The following PDE8B variants were observed in gnomAD, a reference collection of about 807,000 sequenced individuals.
PDE8B encodes high affinity cAMP-specific and IBMX-insensitive 3',5'-cyclic phosphodiesterase 8B.
PDE8B carries 26 observed loss-of-function variants against 101.3 expected under a neutral mutation model. The observed-to-expected ratio is 0.26, with a 90% CI of 0.19 to 0.36. The LOEUF is 0.36. Among genes scored for constraint, PDE8B ranks in the 10% least tolerant of loss-of-function variants. PDE8B has a pLI of 1.00. For synonymous variants in PDE8B, 424 were observed against 429.3 expected (o/e 0.99, Z 0.15); for missense variants, 810 against 1,163.1 (o/e 0.70, Z 4.42).
intron 1 of PDE8B, among the ~76,000 whole-genome samples, chr5:77,286,988 G>A (rs980891438): frequency 5.9e-5 from 9 of 152,098 alleles, no homozygotes; most frequent in African/African-American, 2.2e-4. Context: ...CCATGCTCCT[G>A]TTGTCGTGCA....
chr5:77,398,220 G>A lies in PDE8B; in HGVS notation c.1168-2028G>A, dbSNP rs186308517. Among the ~76,000 whole-genome samples, 18 of 150,454 alleles carry A rather than the reference G, an allele frequency of 1.2e-4. 1 individual carries two copies. Among genetic ancestry groups the A allele is most frequent in the Admixed American group, 1.1e-3 (16 of 15,138 alleles). On this transcript the variant is annotated intron_variant, in intron 10 of 21. Coordinates refer to ENST00000264917, the MANE Select transcript of PDE8B (RefSeq NM_003719.5). ...CTTAATACATATGTAAACATATACAGCCCAAATTTCAGTTTTAACTAAGTT... is the reference window on the plus strand; with the variant it reads ...CTTAATACATATGTAAACATATACAACCCAAATTTCAGTTTTAACTAAGTT...
upstream of PDE8B, among the ~76,000 whole-genome samples, chr5:77,206,881 T>A (rs2149356134): frequency 6.6e-6 from 1 of 152,304 alleles, no homozygotes. Context: ...AAATATAAAA[T>A]AATTTAATAA....
At chr5:77,183,189 G>A in the PDE8B span, among the ~76,000 whole-genome samples, 20 of 151,546 alleles carry the variant, frequency 1.3e-4, no homozygotes, top group Middle Eastern at 6.8e-3. Flanking sequence ...GTTTGATCTC[G>A]GCTCACTGCA....
At chr5:77,331,293 C>A in intron 4 of PDE8B, 109 bp from the exon 5 acceptor site, 1 of 967,174 alleles carries the variant, frequency 1.0e-6, no homozygotes. Flanking sequence ...CGTCAGGAAG[C>A]CACTCTTGGA....
At chr5:77,234,006 G>C (rs2149501470) in intron 1 of PDE8B, among the ~76,000 whole-genome samples, 1 of 152,146 alleles carries the variant, frequency 6.6e-6, no homozygotes, top group Non-Finnish European at 1.5e-5. Flanking sequence ...ATAAAAGAAG[G>C]CGCCTAGAGG....
rs1228271750 is a variant in PDE8B, at chr5:77,325,603, C to G, written c.464C>G (p.Ala155Gly). 1.2e-6 allele frequency: 2 copies of G among 1,613,734 alleles called. No individual in the cohort carries two copies. Among genetic ancestry groups the G allele is most frequent in the Non-Finnish European group, 1.7e-6 (2 of 1,179,742 alleles). The change falls in exon 3 of 22, where the codon GCT (alanine) becomes GGT (glycine). Residue 155 changes from alanine (A) to glycine (G), a missense_variant. This residue lies in a region of PDE8B where 251 missense variants were observed against 378.8 expected (regional missense o/e 0.66). Coordinates refer to ENST00000264917, the MANE Select transcript of PDE8B (RefSeq NM_003719.5). ...GGCTTCTGGTGGGCCTGCGACAGAG[C>G]TGGTTATAGATGCAATATTGCTCGG... ...SDGFWWACDRAGYRCNIARTP... is the reference protein window; with the variant it reads ...SDGFWWACDRGGYRCNIARTP...
At chr5:77,132,462 G>A in the PDE8B span, among the ~76,000 whole-genome samples, 1 of 152,016 alleles carries the variant, frequency 6.6e-6, no homozygotes, top group Admixed American at 6.6e-5. Context: ...CAAAATAGTG[G>A]GCTATGATTT....
intron 10 of PDE8B, among the ~76,000 whole-genome samples, chr5:77,361,062 T>G (rs915286004): frequency 3.3e-5 from 5 of 152,240 alleles, no homozygotes; most frequent in African/African-American, 1.2e-4. Context: ...GTACTTACAT[T>G]CCATCCCTTC....
chr5:77,179,743 T>C, the PDE8B span, among the ~76,000 whole-genome samples: 6 of 152,284 alleles, frequency 3.9e-5, no homozygotes, highest in Middle Eastern at 3.4e-3. Context: ...TAGATTTTTC[T>C]CAAGGTTTTT....
At chr5:77,177,530 A>G in the PDE8B span, among the ~76,000 whole-genome samples, 1 of 152,252 alleles carries the variant, frequency 6.6e-6, no homozygotes, top group Non-Finnish European at 1.5e-5. Context: ...CGACCTCAAC[A>G]TACAATTATT....
At chr5:77,329,184 A>G in intron 4 of PDE8B, 127 bp downstream of exon 4, 1 of 723,930 alleles carries the variant, frequency 1.4e-6, no homozygotes, top group Non-Finnish European at 2.5e-6. Flanking sequence ...CCAGCCTTAG[A>G]TCTTGATCTT....
At chr5:77,251,987 G>A (rs2149626978) in intron 1 of PDE8B, among the ~76,000 whole-genome samples, 1 of 152,160 alleles carries the variant, frequency 6.6e-6, no homozygotes, top group African/African-American at 2.4e-5. Context: ...TTCAGTATTC[G>A]AAGGCAGCCT....
At chr5:77,243,899 T>C (rs1261010247) in intron 1 of PDE8B, among the ~76,000 whole-genome samples, 1 of 152,224 alleles carries the variant, frequency 6.6e-6, no homozygotes, top group Non-Finnish European at 1.5e-5. Flanking sequence ...AGTGACTCCT[T>C]AAGTCATTGC....
At chr5:77,193,696 T>G in the PDE8B span, among the ~76,000 whole-genome samples, 1 of 152,212 alleles carries the variant, frequency 6.6e-6, no homozygotes. Context: ...TGTCAATTTT[T>G]ACAGATATAA....
At chr5:77,134,357 T>G in the PDE8B span, 2 of 152,372 alleles carry the variant, frequency 1.3e-5, no homozygotes, top group East Asian at 3.9e-4. Context: ...TGGACCCACT[T>G]ATCATTTCCA....
At position 77,397,026 on chromosome 5, in the gene PDE8B, A is replaced by ATTTTT. The variant is rs71606290; in HGVS notation, c.1168-3202_1168-3198dup. On this transcript the variant is annotated intron_variant, in intron 10 of 21. Coordinates refer to ENST00000264917, the MANE Select transcript of PDE8B (RefSeq NM_003719.5). ...TTGGTTTCTATATTTCCGATAAGAA[A>ATTTTT]TTTTTTTTTTTTTTTTTTTTTTTTG... Among the ~76,000 whole-genome samples, 556 of 84,374 alleles carry ATTTTT rather than the reference A, an allele frequency of 6.6e-3. 45 individuals carry two copies. The highest frequency in any genetic ancestry group is 0.013 in the African/African-American group (240 of 18,222). The allele number at this position is 84,374 out of a possible 152,430, so 55.4% of individuals were successfully genotyped here.
chr5:77,136,333 C>A, the PDE8B span, among the ~76,000 whole-genome samples: 1 of 152,108 alleles, frequency 6.6e-6, no homozygotes, highest in South Asian at 2.1e-4. Context: ...GTCTGTCTTT[C>A]ATGTAAGGAA....
At chr5:77,145,350 T>C in the PDE8B span, 1 of 152,220 alleles carries the variant, frequency 6.6e-6, no homozygotes, top group East Asian at 1.9e-4. Context: ...GAATCAAAGA[T>C]GATTCTGAAA....
chr5:77,262,554 CTTA>C (rs1050236259), intron 1 of PDE8B, among the ~76,000 whole-genome samples: 2 of 152,182 alleles, frequency 1.3e-5, no homozygotes, highest in African/African-American at 4.8e-5. Context: ...ATAGTTGTAC[CTTA>C]TTATCAGGTG....
Sources: gnomAD v4.1 joint callset for allele counts (sites outside exome capture counted in the v4.1 genomes callset) on GRCh38, gnomAD v4.1.1 for gene constraint, gnomAD v4.1.1 regional missense constraint, MANE v1.5 for transcripts, NCBI Gene and HGNC (gene_info 2026-07-23, HGNC 2026-07-21) for gene names.